The following GABRB1 variants were observed in gnomAD, a reference collection of about 807,000 sequenced individuals.
GABRB1 encodes the protein gamma-aminobutyric acid type A receptor subunit beta1.
In GABRB1, 17 loss-of-function variants were observed where a neutral mutation model predicts 51.6. The ratio of observed to expected loss-of-function variants is 0.33; its 90% confidence interval spans 0.23 to 0.49. The LOEUF is 0.49. GABRB1 is among the 20% of genes least tolerant of loss of function. GABRB1 has a pLI of 0.99. For missense variants in GABRB1, 410 were observed against 600.6 expected, an observed-to-expected ratio of 0.68 and a Z score of 3.32; for synonymous variants, 247 against 218.9, an observed-to-expected ratio of 1.13 and a Z score of -1.14.
intron 4 of GABRB1, among the ~76,000 whole-genome samples, chr4:47,215,779 G>T (rs1423801618): frequency 6.6e-6 from 1 of 151,958 alleles, no homozygotes; most frequent in East Asian, 1.9e-4. Context: ...ACCCATTTTA[G>T]AAAATTTATT....
chr4:47,168,355 C>A (rs1718287450), intron 4 of GABRB1, among the ~76,000 whole-genome samples: 1 of 152,116 alleles, frequency 6.6e-6, no homozygotes, highest in Admixed American at 6.6e-5. Context: ...CCAAAGAGTA[C>A]ACACATTGCA....
chr4:47,261,146 G>A (rs1359901428), intron 4 of GABRB1, among the ~76,000 whole-genome samples: 1 of 152,192 alleles, frequency 6.6e-6, no homozygotes, highest in African/African-American at 2.4e-5. Flanking sequence ...GCACAAGACA[G>A]GGATGCCCTC....
At chr4:47,145,248 T>C (rs1342781994) in intron 3 of GABRB1, among the ~76,000 whole-genome samples, 1 of 152,018 alleles carries the variant, frequency 6.6e-6, no homozygotes, top group African/African-American at 2.4e-5. Flanking sequence ...AGTCTGGACT[T>C]CCTTTTTTGG....
intron 4 of GABRB1, among the ~76,000 whole-genome samples, chr4:47,287,066 A>G (rs1723537364): frequency 6.6e-6 from 1 of 152,158 alleles, no homozygotes; most frequent in African/African-American, 2.4e-5. Flanking sequence ...TCTGTGAGCT[A>G]TGTTTCTTGA....
chr4:47,408,082 A>C (rs1728636697), intron 8 of GABRB1, among the ~76,000 whole-genome samples: 1 of 152,218 alleles, frequency 6.6e-6, no homozygotes, highest in Admixed American at 6.5e-5. Flanking sequence ...ACAGAGTGAG[A>C]CCCTGTCTTA....
At chr4:47,036,706 A>G (rs958955055) in intron 3 of GABRB1, among the ~76,000 whole-genome samples, 1 of 152,066 alleles carries the variant, frequency 6.6e-6, no homozygotes, top group African/African-American at 2.4e-5. Flanking sequence ...TACCAAAAGT[A>G]TACAAATTAG....
intron 3 of GABRB1, among the ~76,000 whole-genome samples, chr4:47,112,009 A>T (rs1015024161): frequency 2.2e-5 from 3 of 138,722 alleles, no homozygotes; most frequent in African/African-American, 8.1e-5. Flanking sequence ...TCGTTCTGTC[A>T]CCCAGGCTGG....
chr4:47,160,312 T>G (rs111363690), intron 3 of GABRB1, among the ~76,000 whole-genome samples: 161 of 152,264 alleles, frequency 1.1e-3, no homozygotes, highest in African/African-American at 3.4e-3. Context: ...GAGAGAAATG[T>G]TGAATAGTGC....
At chr4:47,005,683 G>T (rs532691838) in intron 1 of GABRB1, among the ~76,000 whole-genome samples, 56 of 145,566 alleles carry the variant, frequency 3.8e-4, no homozygotes, top group African/African-American at 1.3e-3. Flanking sequence ...ATGTCCTTTT[G>T]TCAATCACAG....
chr4:47,343,273 T>G (rs1725970251), intron 5 of GABRB1, among the ~76,000 whole-genome samples: 1 of 152,050 alleles, frequency 6.6e-6, no homozygotes, highest in South Asian at 2.1e-4. Flanking sequence ...GTGAGGAATT[T>G]TTAAACGAGG....
At chr4:47,026,803 G>A (rs1354109401), upstream of GABRB1, among the ~76,000 whole-genome samples, 1 of 151,966 alleles carries the variant, frequency 6.6e-6, no homozygotes, top group Non-Finnish European at 1.5e-5. Context: ...AGTTGCAAAA[G>A]CATTTAATTA....
At chr4:47,268,881 A>G (rs1722747032) in intron 4 of GABRB1, among the ~76,000 whole-genome samples, 1 of 152,202 alleles carries the variant, frequency 6.6e-6, no homozygotes, top group African/African-American at 2.4e-5. Context: ...TTATTATTAT[A>G]CAAAACTCTT....
chr4:47,114,280 G>A (rs1327827584), intron 3 of GABRB1, among the ~76,000 whole-genome samples: 1 of 152,138 alleles, frequency 6.6e-6, no homozygotes, highest in Non-Finnish European at 1.5e-5. Flanking sequence ...CTGAATGCAC[G>A]CAGGGTTTGA....
intron 4 of GABRB1, among the ~76,000 whole-genome samples, chr4:47,310,649 T>C (rs929938450): frequency 3.9e-5 from 6 of 152,186 alleles, no homozygotes; most frequent in Non-Finnish European, 5.9e-5. Flanking sequence ...CCATAGACTA[T>C]GTAAACTTGG....
At chr4:47,220,762 C>A (rs1386096029) in intron 4 of GABRB1, among the ~76,000 whole-genome samples, 2 of 151,954 alleles carry the variant, frequency 1.3e-5, no homozygotes, top group Non-Finnish European at 2.9e-5. Flanking sequence ...CATCACCCTC[C>A]TTTTGGGTTT....
chr4:47,213,294 G>A (rs1720435133), intron 4 of GABRB1, among the ~76,000 whole-genome samples: 1 of 152,192 alleles, frequency 6.6e-6, no homozygotes, highest in Non-Finnish European at 1.5e-5. Flanking sequence ...CCAGTGGACA[G>A]TAGTTGACAC....
intron 1 of GABRB1, among the ~76,000 whole-genome samples, chr4:46,995,199 A>C (rs1723949915): frequency 6.6e-6 from 1 of 152,222 alleles, no homozygotes. Context: ...TAAACAAAGC[A>C]ATGAATTGCT....
At chr4:47,420,282 T>A (rs1259563931) in intron 8 of GABRB1, among the ~76,000 whole-genome samples, 44 of 152,054 alleles carry the variant, frequency 2.9e-4, no homozygotes, top group Admixed American at 2.8e-3. Flanking sequence ...ACCACATAGG[T>A]CAGTGGGGAG....
chr4:47,129,843 A>C (rs1031474537), intron 3 of GABRB1, among the ~76,000 whole-genome samples: 1 of 152,242 alleles, frequency 6.6e-6, no homozygotes, highest in Non-Finnish European at 1.5e-5. Flanking sequence ...TCACCCTTTC[A>C]GGAATGGAAA....
Sources: allele counts gnomAD v4.1 joint callset (sites outside exome capture counted in the v4.1 genomes callset), GRCh38; gene constraint gnomAD v4.1.1; transcripts MANE v1.5; gene names NCBI Gene and HGNC (gene_info 2026-07-23, HGNC 2026-07-21).